The following USP28 variants were observed in gnomAD, a reference collection of about 807,000 sequenced individuals.
USP28 encodes ubiquitin carboxyl-terminal hydrolase 28.
A neutral mutation model predicts 145.0 loss-of-function variants in USP28; 113 were observed. The observed-to-expected ratio is 0.78, with a 90% CI of 0.67 to 0.91. USP28 has a LOEUF of 0.91. Among genes scored for constraint, USP28 ranks in the 40% least tolerant of loss-of-function variants. USP28 has a pLI of 0.00. For synonymous variants in USP28, 447 were observed against 450.9 expected, an observed-to-expected ratio of 0.99 and a Z score of 0.11; for missense variants, 1,201 against 1,289.6, an observed-to-expected ratio of 0.93 and a Z score of 1.05.
intron 1 of USP28, among the ~76,000 whole-genome samples, chr11:113,860,651 GA>G (rs934030335): frequency 6.1e-5 from 9 of 146,354 alleles, no homozygotes; most frequent in East Asian, 2.0e-4. Flanking sequence ...CTCTACTAAA[GA>G]AAAAAAAAAT....
chr11:113,835,271 T>C (rs777834278), intron 5 of USP28: 5 of 455,922 alleles, frequency 1.1e-5, no homozygotes, highest in African/African-American at 2.0e-5. Flanking sequence ...CATCCCAACA[T>C]GCTCCTCAAA....
chr11:113,806,112 T>A (rs1295990790), intron 19 of USP28, among the ~76,000 whole-genome samples: 1 of 151,224 alleles, frequency 6.6e-6, no homozygotes, highest in East Asian at 1.9e-4. Context: ...AAAAAAAAAA[T>A]TCCTTAGTAG....
intron 1 of USP28, among the ~76,000 whole-genome samples, chr11:113,854,853 T>C (rs1279890076): frequency 6.6e-6 from 1 of 152,194 alleles, no homozygotes; most frequent in African/African-American, 2.4e-5. Context: ...GACAGTAAAA[T>C]TACAAATATA....
intron 1 of USP28, 126 bp from the exon 2 acceptor site, chr11:113,854,461 G>A (rs1712016246): frequency 1.3e-6 from 1 of 798,018 alleles, no homozygotes; most frequent in South Asian, 1.7e-5. Flanking sequence ...GAGTGCAGTG[G>A]CCGGATCTCG....
At position 113,815,391 on chromosome 11, in the gene USP28, G is replaced by A. The variant is rs1261095356; in HGVS notation, c.1464-9C>T. ...AGCTTTCTGTACTTGTACTGAGGAA[G>A]ACAAAAATCATGCTCATATGATAAT... On this transcript the variant is annotated splice_polypyrimidine_tract_variant and intron_variant, in intron 13 of 24. Coordinates refer to ENST00000003302, the Ensembl canonical transcript of USP28. The A allele has an allele frequency of 3.7e-6, 6 of 1,609,464 alleles. No homozygotes were observed. The highest frequency in any genetic ancestry group is 1.3e-5 in the African/African-American group (1 of 74,622).
chr11:113,829,389 T>C, intron 9 of USP28, 44 bp from the exon 10 acceptor site: 1 of 1,603,806 alleles, frequency 6.2e-7, no homozygotes, highest in South Asian at 1.1e-5. Flanking sequence ...TCACTATGAC[T>C]ATCTAAAGCC....
intron 3 of USP28, among the ~76,000 whole-genome samples, chr11:113,848,480 G>A (rs1398273116): frequency 1.3e-5 from 2 of 152,196 alleles, no homozygotes; most frequent in Admixed American, 6.5e-5. Flanking sequence ...TGGTGAAGGG[G>A]TCAGGGTGTG....
At chr11:113,827,174 C>G (rs1396292409) in intron 11 of USP28, 59 bp downstream of exon 11, 1 of 1,553,504 alleles carries the variant, frequency 6.4e-7, no homozygotes, top group Non-Finnish European at 8.7e-7. Context: ...ATACTTAGTA[C>G]GTGCTCATCT....
At chr11:113,822,458 CAGAGAG>C (rs10524675) in intron 12 of USP28, 12,823 of 136,272 alleles carry the variant, frequency 0.094, 573 homozygotes, top group African/African-American at 0.12. Context: ...TCAAAAAAAA[CAGAGAG>C]AGAGAGAGAG....
At chr11:113,801,566 T>A in exon 24 of USP28, 2 of 1,610,452 alleles carry the variant, frequency 1.2e-6, no homozygotes, top group Non-Finnish European at 1.7e-6. Flanking sequence ...AATGTCATTA[T>A]TAATGATAAG....
intron 12 of USP28, among the ~76,000 whole-genome samples, chr11:113,822,911 G>T (rs1409525897): frequency 6.6e-6 from 1 of 152,130 alleles, no homozygotes; most frequent in African/African-American, 2.4e-5. Context: ...GAAATTAATG[G>T]CCTAATAAGG....
chr11:113,822,461 A>AGAGG (rs1425796646), intron 12 of USP28: 2 of 9,400 alleles, frequency 2.1e-4, no homozygotes, highest in African/African-American at 3.5e-4. Context: ...AAAAAAACAG[A>AGAGG]GAGAGAGAGA....
chr11:113,798,561 T>C (rs987460539), exon 25 of USP28: 1 of 152,616 alleles, frequency 6.6e-6, no homozygotes. Flanking sequence ...TTCAGTCAAG[T>C]TACACAATGC....
chr11:113,840,279 C>T (rs1945051401), intron 5 of USP28, among the ~76,000 whole-genome samples: 5 of 152,190 alleles, frequency 3.3e-5, no homozygotes, highest in Admixed American at 3.3e-4. Context: ...CTCCAGGCCA[C>T]CACTGTCGCC....
At chr11:113,856,293 G>A (rs575577416) in intron 1 of USP28, among the ~76,000 whole-genome samples, 1 of 152,244 alleles carries the variant, frequency 6.6e-6, no homozygotes, top group South Asian at 2.1e-4. Flanking sequence ...TGGAATAATC[G>A]AGAGGGGGAA....
chr11:113,801,592 G>GA lies in USP28; in HGVS notation c.2948dup (p.Ile984HisfsTer9). The GA allele has an allele frequency of 6.2e-7, 1 of 1,611,198 alleles. No homozygotes were observed. Among genetic ancestry groups the GA allele is most frequent in the Non-Finnish European group, 8.5e-7 (1 of 1,177,816 alleles). On this transcript the variant is annotated frameshift_variant, in exon 24 of 25. Coordinates refer to ENST00000003302, the Ensembl canonical transcript of USP28. LOFTEE classifies it high-confidence loss of function. ...TAATGATAAGGTGAATGCAGGGGAT[G>GA]ATCAGTTCATTCATCACATTAATGC...
At chr11:113,810,194 T>C (rs1940750590) in intron 16 of USP28, among the ~76,000 whole-genome samples, 1 of 152,196 alleles carries the variant, frequency 6.6e-6, no homozygotes, top group East Asian at 1.9e-4. Flanking sequence ...GATAAGAATG[T>C]CCATTTCAAA....
At chr11:113,801,671 T>G in exon 24 of USP28, 2 of 1,569,736 alleles carry the variant, frequency 1.3e-6, no homozygotes, top group Non-Finnish European at 1.7e-6. Flanking sequence ...TGCTTTGGCA[T>G]TCAGCTCCTA....
chr11:113,827,914 A>G (rs917001148), intron 10 of USP28, among the ~76,000 whole-genome samples: 1 of 152,220 alleles, frequency 6.6e-6, no homozygotes, highest in African/African-American at 2.4e-5. Context: ...ACAATTTCTC[A>G]ATTTCTAAGA....
Sources: gnomAD v4.1 joint callset for allele counts (sites outside exome capture counted in the v4.1 genomes callset) on GRCh38, gnomAD v4.1.1 for gene constraint, MANE v1.5 for transcripts, NCBI Gene and HGNC (gene_info 2026-07-23, HGNC 2026-07-21) for gene names.